The following RALGPS1 variants were observed in gnomAD, a reference collection of about 807,000 sequenced individuals.
RALGPS1 encodes the protein ras-specific guanine nucleotide-releasing factor RalGPS1.
Under a neutral mutation model 78.8 loss-of-function variants are expected in RALGPS1, and 19 were observed. The observed-to-expected ratio is 0.24, with a 90% confidence interval of 0.17 to 0.35. The LOEUF is 0.35. Ranked by LOEUF, RALGPS1 falls within the 10% of genes least tolerant of loss-of-function variation. The probability of loss-of-function intolerance (pLI) is 1.00; values close to 1 mark genes in which losing one functional copy is unlikely to be tolerated. For missense variants in RALGPS1, 454 were observed against 688.3 expected, an observed-to-expected ratio of 0.66 and a Z score of 3.81; for synonymous variants, 228 against 256.3, an observed-to-expected ratio of 0.89 and a Z score of 1.06.
rs2062811559 is a variant in RALGPS1 at position 127,222,900 on chromosome 9, T to C, written c.*4131T>C. 1 of 152,642 alleles carries C rather than the reference T, an allele frequency of 6.6e-6. No homozygotes were observed. Among genetic ancestry groups the C allele is most frequent in the Non-Finnish European group, 1.5e-5 (1 of 68,038 alleles). The allele number at this position is 152,642 out of a possible 1,614,324, so 9.5% of individuals were successfully genotyped here. The stretch of plus-strand genomic sequence containing the variant: ...AAATCTGTTGCACTCTCCTGGGCTG[T>C]CTTTTTCTCCAGCAGACCCCTGCAT... On this transcript the variant is annotated 3_prime_UTR_variant, in exon 19 of 19. Coordinates refer to ENST00000259351, the MANE Select transcript of RALGPS1 (RefSeq NM_014636.3).
At chr9:127,193,377 T>C (rs1009308823) in intron 11 of RALGPS1, among the ~76,000 whole-genome samples, 10 of 151,758 alleles carry the variant, frequency 6.6e-5, no homozygotes, top group Admixed American at 3.3e-4. Flanking sequence ...TTATTGAGAA[T>C]AAGAAAGTTG....
chr9:126,982,919 CTTCTTCTTCTTTTT>C (rs2041423728), intron 4 of RALGPS1, among the ~76,000 whole-genome samples: 1 of 76,364 alleles, frequency 1.3e-5, no homozygotes, highest in Admixed American at 1.4e-4. Context: ...TCTTCTTCTT[CTTCTTCTTCTTTTT>C]TTTTTTTTTT....
In RALGPS1 at chr9:127,111,872, A is replaced by G. The variant is rs1275869711; in HGVS notation, c.610+42516A>G. ...GCTAACTCTTAACGATGACACAGGC[A>G]TGTATTTAATCTGGTTTTTACTAGT... On this transcript the variant is annotated intron_variant, in intron 8 of 18. Coordinates refer to ENST00000259351, the MANE Select transcript of RALGPS1 (RefSeq NM_014636.3). Among the ~76,000 whole-genome samples, 4 of 152,220 alleles carry G rather than the reference A, an allele frequency of 2.6e-5. No homozygotes were observed. The South Asian group carries it at 6.2e-4, about 24-fold the overall frequency.
In RALGPS1 at chr9:127,091,616, C is replaced by G; in HGVS notation, c.610+22260C>G. On this transcript the variant is annotated intron_variant, in intron 8 of 18. Transcript: ENST00000259351. This position sits in a 1 kb window ranked among gnomAD's most constrained non-coding sequence, Gnocchi z 4.3. ...AGCCCTGGAGTCAGGGGCTCTGGCTCTGGTTGACCTCTTTTCCCTACCCTG... is the reference window on the plus strand; with the variant it reads ...AGCCCTGGAGTCAGGGGCTCTGGCTGTGGTTGACCTCTTTTCCCTACCCTG... The G allele has an allele frequency of 6.3e-7, 1 of 1,577,942 alleles. No individual in the cohort carries two copies. The highest frequency in any genetic ancestry group is 8.6e-7 in the Non-Finnish European group (1 of 1,161,140).
chr9:127,151,797 G>A (rs1181498135), intron 8 of RALGPS1, among the ~76,000 whole-genome samples: 3 of 152,116 alleles, frequency 2.0e-5, no homozygotes, highest in Non-Finnish European at 2.9e-5. Flanking sequence ...TAAACTCTGA[G>A]TTCTATCCCT....
At chr9:127,081,433 T>C (rs1163892772) in intron 8 of RALGPS1, among the ~76,000 whole-genome samples, 2 of 152,230 alleles carry the variant, frequency 1.3e-5, no homozygotes, top group African/African-American at 4.8e-5. Context: ...TGCCTTGCTG[T>C]TGGGTTCCTG....
chr9:127,178,018 G>T (rs1162628379), intron 11 of RALGPS1: 3 of 1,522,780 alleles, frequency 2.0e-6, no homozygotes, highest in Non-Finnish European at 2.7e-6. Context: ...AATAAAGCAT[G>T]GCGAGGCACC....
intron 8 of RALGPS1, among the ~76,000 whole-genome samples, chr9:127,137,461 G>A (rs2057477999): frequency 6.6e-6 from 1 of 152,258 alleles, no homozygotes; most frequent in South Asian, 2.1e-4. Flanking sequence ...GAGAGGGGCA[G>A]CAATGAAGAG....
At chr9:126,943,196 G>T (rs2036944434) in intron 1 of RALGPS1, among the ~76,000 whole-genome samples, 1 of 152,080 alleles carries the variant, frequency 6.6e-6, no homozygotes, top group South Asian at 2.1e-4. Context: ...AGGCTAGAGT[G>T]CAGTGGCGCA....
At chr9:127,115,650 A>G (rs1430784061) in intron 8 of RALGPS1, among the ~76,000 whole-genome samples, 1 of 152,248 alleles carries the variant, frequency 6.6e-6, no homozygotes, top group African/African-American at 2.4e-5. Flanking sequence ...TTCAACCAGT[A>G]TGAATAAAAG....
At chr9:127,216,438 C>T (rs1158035471) in intron 18 of RALGPS1, among the ~76,000 whole-genome samples, 1 of 152,304 alleles carries the variant, frequency 6.6e-6, no homozygotes, top group African/African-American at 2.4e-5. Context: ...TAAGAATGTT[C>T]ACTGCAGCAT....
At chr9:127,018,641 A>AATG (rs1183124211) in intron 4 of RALGPS1, among the ~76,000 whole-genome samples, 2,012 of 106,024 alleles carry the variant, frequency 0.019, 10 homozygotes, top group Middle Eastern at 0.027. Context: ...AAAAAATAAT[A>AATG]ATGATGATAA....
At chr9:127,168,874 A>G in intron 10 of RALGPS1, 102 bp downstream of exon 10, 1 of 874,730 alleles carries the variant, frequency 1.1e-6, no homozygotes, top group Non-Finnish European at 1.9e-6. Context: ...ACCAGTGAGT[A>G]GCCACCTGCA....
Position 126,982,921 on chromosome 9 carries a change from TCTTC to T in RALGPS1, c.216+5177_216+5180del, listed in dbSNP as rs1203785976. On this transcript the variant is annotated intron_variant, in intron 4 of 18. Transcript: ENST00000259351. The stretch of plus-strand genomic sequence containing the variant: ...CTTCTTTTCTTCTTCTTCTTCTTCT[TCTTC>T]TTCTTTTTTTTTTTTTTTTTTTTTT... Among the ~76,000 whole-genome samples, 56 of 88,262 alleles carry T rather than the reference TCTTC, an allele frequency of 6.3e-4. 1 individual carries two copies. The highest frequency in any genetic ancestry group is 2.0e-3 in the East Asian group (4 of 1,980). The allele number at this position is 88,262 out of a possible 152,430, so 57.9% of individuals were successfully genotyped here. A position where few individuals can be genotyped will look rare whatever the true frequency, so the allele number is the denominator to read the frequency against.
chr9:127,216,470 C>G (rs1219205912), intron 18 of RALGPS1, among the ~76,000 whole-genome samples: 1 of 152,188 alleles, frequency 6.6e-6, no homozygotes, highest in Non-Finnish European at 1.5e-5. Flanking sequence ...GGAACCAAAA[C>G]CCTGGAAGCC....
chr9:127,142,074 T>C (rs2057816961), intron 8 of RALGPS1, among the ~76,000 whole-genome samples: 1 of 152,270 alleles, frequency 6.6e-6, no homozygotes, highest in African/African-American at 2.4e-5. Flanking sequence ...TGGTAGTTGC[T>C]TCATTTGGAA....
At chr9:127,012,869 A>G (rs1264517607) in intron 4 of RALGPS1, among the ~76,000 whole-genome samples, 2 of 152,180 alleles carry the variant, frequency 1.3e-5, no homozygotes, top group Non-Finnish European at 2.9e-5. Flanking sequence ...GGCACATACC[A>G]TGTGTAAGAC....
At chr9:126,952,884 G>A (rs1429080052) in intron 1 of RALGPS1, among the ~76,000 whole-genome samples, 1 of 152,120 alleles carries the variant, frequency 6.6e-6, no homozygotes, top group Non-Finnish European at 1.5e-5. Context: ...TCGTGGGAGA[G>A]CTGCACGTCC....
intron 1 of RALGPS1, chr9:126,915,307 C>T (rs2034009610): frequency 1.7e-5 from 2 of 116,440 alleles, no homozygotes; most frequent in African/African-American, 6.7e-5. Flanking sequence ...GGGCGGGGCG[C>T]CGCGGCTGCA....
Sources: allele counts gnomAD v4.1 joint callset (sites outside exome capture counted in the v4.1 genomes callset), GRCh38; gene constraint gnomAD v4.1.1; non-coding constraint Gnocchi (gnomAD v3.1); transcripts MANE v1.5; gene names NCBI Gene and HGNC (gene_info 2026-07-23, HGNC 2026-07-21).